Variants in AFG2A observed in about 807,000 individuals in gnomAD.
AFG2A encodes AAA ATPase AFG2A.
At chr4:123,088,548 T>A in the AFG2A span, among the ~76,000 whole-genome samples, 1 of 152,184 alleles carries the variant, frequency 6.6e-6, no homozygotes, top group Non-Finnish European at 1.5e-5. Context: ...TGGCTCTGTG[T>A]CCCCACCCAA....
chr4:123,274,709 T>G, the AFG2A span, among the ~76,000 whole-genome samples: 1 of 152,050 alleles, frequency 6.6e-6, no homozygotes, highest in East Asian at 1.9e-4. Flanking sequence ...GCCCATATGT[T>G]TTGAGAGGCT....
chr4:123,293,364 A>C, the AFG2A span, among the ~76,000 whole-genome samples: 2 of 152,124 alleles, frequency 1.3e-5, no homozygotes, highest in Non-Finnish European at 2.9e-5. Flanking sequence ...ACTTCCCACA[A>C]GCAGAAAGTT....
At chr4:123,240,771 A>T in the AFG2A span, among the ~76,000 whole-genome samples, 1 of 151,452 alleles carries the variant, frequency 6.6e-6, no homozygotes, top group Non-Finnish European at 1.5e-5. Flanking sequence ...GGCAAGAAAT[A>T]ACTAAGATCA....
chr4:123,301,410 A>G, the AFG2A span, among the ~76,000 whole-genome samples: 1 of 152,204 alleles, frequency 6.6e-6, no homozygotes. Context: ...CAGAGGAAGC[A>G]GAGACCACCT....
the AFG2A span, among the ~76,000 whole-genome samples, chr4:123,225,117 T>C: frequency 6.6e-6 from 1 of 152,250 alleles, no homozygotes; most frequent in Non-Finnish European, 1.5e-5. Flanking sequence ...ATTAGCCCTT[T>C]GTCAGATGAG....
At chr4:123,245,174 A>G in the AFG2A span, among the ~76,000 whole-genome samples, 1 of 152,200 alleles carries the variant, frequency 6.6e-6, no homozygotes, top group Admixed American at 6.5e-5. Flanking sequence ...CAGTATTGGT[A>G]GAAAGTAAAG....
the AFG2A span, among the ~76,000 whole-genome samples, chr4:123,219,237 G>A: frequency 2.0e-5 from 3 of 152,368 alleles, no homozygotes; most frequent in East Asian, 5.8e-4. Flanking sequence ...ATGTTCAGGA[G>A]TAGTAAGAGA....
At chr4:123,024,434 A>G in the AFG2A span, among the ~76,000 whole-genome samples, 5 of 152,192 alleles carry the variant, frequency 3.3e-5, no homozygotes, top group African/African-American at 1.2e-4. Flanking sequence ...AGGCTCTGCT[A>G]GAAACAGCCT....
chr4:123,310,578 A>G, the AFG2A span, among the ~76,000 whole-genome samples: 1 of 151,956 alleles, frequency 6.6e-6, no homozygotes, highest in Admixed American at 6.6e-5. Flanking sequence ...ATACCATGGT[A>G]CACACGGCAT....
At chr4:123,181,005 G>C in the AFG2A span, among the ~76,000 whole-genome samples, 2 of 122,860 alleles carry the variant, frequency 1.6e-5, no homozygotes, top group African/African-American at 5.8e-5. Context: ...TTTTATTTGA[G>C]ACGGAGTCTC....
the AFG2A span, among the ~76,000 whole-genome samples, chr4:123,187,249 T>C: frequency 6.6e-6 from 1 of 152,236 alleles, no homozygotes; most frequent in Non-Finnish European, 1.5e-5. Context: ...GAAATAGCTC[T>C]TCACAGCTAC....
chr4:123,121,528 A>G, the AFG2A span, among the ~76,000 whole-genome samples: 1 of 152,166 alleles, frequency 6.6e-6, no homozygotes, highest in Non-Finnish European at 1.5e-5. Flanking sequence ...TCTCTTATAC[A>G]TTATTTTTAC....
the AFG2A span, among the ~76,000 whole-genome samples, chr4:122,981,870 G>A: frequency 6.6e-6 from 1 of 151,462 alleles, no homozygotes; most frequent in African/African-American, 2.4e-5. Context: ...CCAATTTACT[G>A]AATTCATTTA....
chr4:123,038,556 G>GAAAA, the AFG2A span, among the ~76,000 whole-genome samples: 1 of 151,976 alleles, frequency 6.6e-6, no homozygotes, highest in Non-Finnish European at 1.5e-5. Context: ...ACCTCCCTTG[G>GAAAA]TAATGAAATT....
At chr4:123,020,889 A>G in the AFG2A span, among the ~76,000 whole-genome samples, 1 of 152,192 alleles carries the variant, frequency 6.6e-6, no homozygotes, top group Admixed American at 6.5e-5. Flanking sequence ...AGGAAGTAAT[A>G]TTACTAGGTA....
the AFG2A span, among the ~76,000 whole-genome samples, chr4:123,129,385 A>G: frequency 6.6e-6 from 1 of 152,214 alleles, no homozygotes; most frequent in Admixed American, 6.5e-5. Flanking sequence ...TATCATTTAC[A>G]TCCCATTGGC....
the AFG2A span, among the ~76,000 whole-genome samples, chr4:123,015,845 TGGC>T: frequency 5.9e-5 from 2 of 33,994 alleles, no homozygotes; most frequent in Non-Finnish European, 1.9e-4. Flanking sequence ...ATGGGGCGGC[TGGC>T]CGGGCGGGGG....
chr4:123,179,298 TCA>T, the AFG2A span, among the ~76,000 whole-genome samples: 1 of 145,892 alleles, frequency 6.9e-6, no homozygotes, highest in East Asian at 2.0e-4. Flanking sequence ...AATTGTCAGC[TCA>T]CACATACTAC....
the AFG2A span, among the ~76,000 whole-genome samples, chr4:123,047,357 AC>A: frequency 0.42 from 63,185 of 151,566 alleles, 15,709 homozygotes; most frequent in Non-Finnish European, 0.55. Flanking sequence ...ATGATGTCGA[AC>A]ATTTTTTCAT....
Sources: gnomAD v4.1 joint callset for allele counts (sites outside exome capture counted in the v4.1 genomes callset) on GRCh38, gnomAD v4.1.1 for gene constraint, MANE v1.5 for transcripts, NCBI Gene and HGNC (gene_info 2026-07-23, HGNC 2026-07-21) for gene names.